Variants in HSD17B4 observed in about 807,000 individuals in gnomAD.
HSD17B4 encodes hydroxysteroid 17-beta dehydrogenase 4.
A neutral mutation model predicts 101.0 loss-of-function variants in HSD17B4; 70 were observed. The ratio of observed to expected loss-of-function variants is 0.69; its 90% CI spans 0.57 to 0.85. HSD17B4 has a LOEUF of 0.85. Ranked by LOEUF, HSD17B4 falls within the 40% of genes least tolerant of loss-of-function variation. HSD17B4 has a pLI of 0.00. For synonymous variants in HSD17B4, 347 were observed against 297.1 expected, an observed-to-expected ratio of 1.17 and a Z score of -1.73; for missense variants, 984 against 892.4, an observed-to-expected ratio of 1.10 and a Z score of -1.31.
At chr5:119,482,437 T>C (rs1749225576) in intron 8 of HSD17B4, among the ~76,000 whole-genome samples, 1 of 152,170 alleles carries the variant, frequency 6.6e-6, no homozygotes, top group African/African-American at 2.4e-5. Flanking sequence ...TCTCCAAATC[T>C]CTGCCATATA....
Position 119,475,817 on chromosome 5 carries a change from T to C in HSD17B4, c.303-7T>C. ...TCCTTTTACCCTATACAACATTGAT[T>C]TTTTAGAATTCTGAGGGATCGTTCC... On this transcript the variant is annotated splice_polypyrimidine_tract_variant and splice_region_variant and intron_variant, in intron 5 of 23. Transcript: ENST00000510025. 6.2e-7 allele frequency: 1 copy of C among 1,601,198 alleles called. No homozygotes were observed. The highest frequency in any genetic ancestry group is 8.6e-7 in the Non-Finnish European group (1 of 1,168,428).
intron 9 of HSD17B4, among the ~76,000 whole-genome samples, chr5:119,490,016 T>A (rs1749953842): frequency 7.0e-6 from 1 of 142,982 alleles, no homozygotes; most frequent in Non-Finnish European, 1.6e-5. Context: ...TAAACTGTTG[T>A]ATATTAGACC....
chr5:119,477,708 AT>A, intron 7 of HSD17B4: 1 of 546,050 alleles, frequency 1.8e-6, no homozygotes, highest in South Asian at 2.4e-5. Context: ...CTTTATATTT[AT>A]TTTTTACCTC....
At chr5:119,456,480 A>C (rs922263224) in intron 2 of HSD17B4, 112 bp downstream of exon 2, 1 of 813,558 alleles carries the variant, frequency 1.2e-6, no homozygotes, top group African/African-American at 1.7e-5. Context: ...TTTTATTATT[A>C]ATTTTTACTT....
intron 21 of HSD17B4, among the ~76,000 whole-genome samples, chr5:119,530,689 C>T (rs1362272316): frequency 6.6e-6 from 1 of 151,346 alleles, no homozygotes; most frequent in Non-Finnish European, 1.5e-5. Context: ...TCCATCTCTA[C>T]TAAAAATACA....
intron 6 of HSD17B4, among the ~76,000 whole-genome samples, chr5:119,476,214 G>T (rs1748567098): frequency 6.6e-6 from 1 of 152,118 alleles, no homozygotes; most frequent in Admixed American, 6.6e-5. Flanking sequence ...CCAGCTGTGT[G>T]AATCTTTTTC....
chr5:119,524,741 T>C (rs1753421114), intron 17 of HSD17B4, among the ~76,000 whole-genome samples: 1 of 152,112 alleles, frequency 6.6e-6, no homozygotes, highest in Admixed American at 6.6e-5. Context: ...TGAGCTAATG[T>C]TCAGGATTTA....
At chr5:119,459,415 AAGGTCTTGTTGACTG>A in intron 2 of HSD17B4, among the ~76,000 whole-genome samples, 1 of 152,330 alleles carries the variant, frequency 6.6e-6, no homozygotes, top group Non-Finnish European at 1.5e-5. Context: ...TATCAAAGTG[AAGGTCTTGTTGACTG>A]AGGTCTTGTT....
intron 8 of HSD17B4, 101 bp downstream of exon 8, chr5:119,479,122 A>T (rs1748876109): frequency 1.1e-6 from 1 of 882,774 alleles, no homozygotes. Context: ...AAAAATTATT[A>T]TTTTTTTCAA....
Position 119,525,380 on chromosome 5 carries a change from G to C in HSD17B4, c.1573+95G>C, listed in dbSNP as rs116072091. On this transcript the variant is annotated intron_variant, in intron 18 of 23. Transcript: ENST00000510025. ...CACTACTACTTATGACTGGTAGTTT[G>C]AGTAGCATTTAAAAAAATGTTATTT... 0.015 allele frequency: 11,740 copies of C among 786,780 alleles called. 146 individuals carry two copies. The highest frequency in any genetic ancestry group is 0.017 in the Non-Finnish European group (7,659 of 444,718). 48.7% of individuals were successfully genotyped at this position (786,780 alleles called of 1,614,324 possible).
intron 15 of HSD17B4, among the ~76,000 whole-genome samples, chr5:119,508,328 A>G (rs1751854286): frequency 6.6e-6 from 1 of 152,092 alleles, no homozygotes; most frequent in Admixed American, 6.6e-5. Context: ...GGTCCTTAGT[A>G]TATTAGAATT....
chr5:119,525,935 T>G lies in HSD17B4; in HGVS notation c.1592T>G (p.Leu531Ter). Residue 531 changes from leucine (L) to a stop codon, truncating the protein, a stop_gained, in exon 19 of 24, where the codon TTA (leucine) becomes TGA (stop). Transcript: ENST00000510025. LOFTEE classifies it high-confidence loss of function. ...ASLAGFDKPI[L>*]HGLCTFGFSA... ...TTCCTAGGTTTTGACAAGCCCATAT[T>G]ACATGGATTATGTACATTTGGATTT... 2 of 1,607,114 alleles carry G rather than the reference T, an allele frequency of 1.2e-6. No homozygotes were observed. Among genetic ancestry groups the G allele is most frequent in the Non-Finnish European group, 1.7e-6 (2 of 1,173,878 alleles).
intron 22 of HSD17B4, among the ~76,000 whole-genome samples, chr5:119,535,355 AAG>A (rs1044103300): frequency 5.3e-5 from 8 of 152,148 alleles, no homozygotes; most frequent in African/African-American, 1.9e-4. Context: ...AAAATGAAGA[AAG>A]AAAAAGAATT....
chr5:119,492,220 A>C, intron 10 of HSD17B4, 96 bp downstream of exon 10: 1 of 882,122 alleles, frequency 1.1e-6, no homozygotes, highest in South Asian at 1.3e-5. Flanking sequence ...TCAAATGCCT[A>C]ACCATTGGAT....
At chr5:119,518,408 G>A (rs1350053788) in intron 17 of HSD17B4, among the ~76,000 whole-genome samples, 5 of 152,150 alleles carry the variant, frequency 3.3e-5, no homozygotes, top group African/African-American at 4.8e-5. Context: ...GTGAGGGTCC[G>A]CGGCTTCATT....
chr5:119,472,869 T>C (rs768911553), intron 2 of HSD17B4, among the ~76,000 whole-genome samples: 1 of 152,252 alleles, frequency 6.6e-6, no homozygotes, highest in African/African-American at 2.4e-5. Context: ...AGTGGAATCA[T>C]GCCAGTATTT....
rs190904860 is a variant in HSD17B4, at chr5:119,530,407, G to A, written c.1854+427G>A. Reference sequence around the variant, plus strand: ...TATTAAAACATTGTATTATTTATTAGCATGCTGAGACTTTTGATAAAAATG... The same window carrying A: ...TATTAAAACATTGTATTATTTATTAACATGCTGAGACTTTTGATAAAAATG... On this transcript the variant is annotated intron_variant, in intron 21 of 23. Transcript: ENST00000510025. Among the ~76,000 whole-genome samples, 68 of 152,148 alleles carry A rather than the reference G, an allele frequency of 4.5e-4. No individual in the cohort carries two copies. The East Asian group carries it at 6.4e-3, about 14-fold the overall frequency.
intron 17 of HSD17B4, among the ~76,000 whole-genome samples, chr5:119,515,650 A>G (rs1044456040): frequency 5.9e-5 from 9 of 152,180 alleles, no homozygotes; most frequent in Admixed American, 4.6e-4. Context: ...GGCAACCATA[A>G]AAGTGAGAAA....
At chr5:119,517,140 C>T (rs928528089) in intron 17 of HSD17B4, among the ~76,000 whole-genome samples, 14 of 152,062 alleles carry the variant, frequency 9.2e-5, no homozygotes, top group African/African-American at 3.1e-4. Flanking sequence ...CTGCGCGCGG[C>T]GCTCGCAGGC....
Sources: allele counts gnomAD v4.1 joint callset (sites outside exome capture counted in the v4.1 genomes callset), GRCh38; gene constraint gnomAD v4.1.1; transcripts MANE v1.5; gene names NCBI Gene and HGNC (gene_info 2026-07-23, HGNC 2026-07-21).